The following ECE1 variants were observed in gnomAD, a reference collection of about 807,000 sequenced individuals.
The protein encoded by ECE1 is endothelin converting enzyme 1.
ECE1 carries 35 observed loss-of-function variants against 98.6 expected under a neutral mutation model. That is an observed-to-expected ratio of 0.35 (90% CI 0.27 to 0.47). The LOEUF (loss-of-function observed/expected upper bound fraction) is 0.47, where lower values mean the gene tolerates loss of function less well. ECE1 is among the 20% of genes least tolerant of loss of function. ECE1 has a pLI of 1.00. For synonymous variants in ECE1, 394 were observed against 407.1 expected (o/e 0.97, Z 0.39); for missense variants, 814 against 1,025.3 (o/e 0.79, Z 2.81).
chr1:21,262,466 A>ATC (rs1292285159), intron 4 of ECE1, among the ~76,000 whole-genome samples: 3 of 152,154 alleles, frequency 2.0e-5, no homozygotes. Context: ...AAGCAGGAGA[A>ATC]TCGTCATTGC....
intron 1 of ECE1, among the ~76,000 whole-genome samples, chr1:21,318,311 G>A (rs983009564): frequency 6.6e-6 from 1 of 152,146 alleles, no homozygotes; most frequent in Non-Finnish European, 1.5e-5. Flanking sequence ...GACATTTCCA[G>A]GGCACAGCTT....
chr1:21,241,896 G>A (rs150059434), intron 10 of ECE1, among the ~76,000 whole-genome samples: 1 of 152,286 alleles, frequency 6.6e-6, no homozygotes, highest in Non-Finnish European at 1.5e-5. Context: ...CATCTTGCAG[G>A]AGATCTATGA....
chr1:21,316,400 C>G (rs1408276954), intron 1 of ECE1, among the ~76,000 whole-genome samples: 1 of 152,174 alleles, frequency 6.6e-6, no homozygotes, highest in Non-Finnish European at 1.5e-5. Flanking sequence ...TCCTGAGTAG[C>G]TGGGGTTACA....
At chr1:21,292,613 G>T (rs183897295), upstream of ECE1, among the ~76,000 whole-genome samples, 40 of 152,154 alleles carry the variant, frequency 2.6e-4, no homozygotes, top group Non-Finnish European at 4.6e-4. Context: ...CTTTACTGGG[G>T]CTGGGACCTT....
intron 17 of ECE1, among the ~76,000 whole-genome samples, chr1:21,224,350 T>C (rs1388634401): frequency 1.3e-5 from 2 of 152,228 alleles, no homozygotes; most frequent in Non-Finnish European, 2.9e-5. Context: ...TTTGCCTTTC[T>C]TCCCCTTCCA....
intron 1 of ECE1, among the ~76,000 whole-genome samples, chr1:21,330,325 T>A (rs1009944470): frequency 1.0e-4 from 14 of 136,674 alleles, no homozygotes; most frequent in African/African-American, 3.6e-4. Flanking sequence ...AACCTCTGCC[T>A]CCCGGGTTCA....
chr1:21,229,399 A>G (rs2098178946), intron 14 of ECE1, among the ~76,000 whole-genome samples: 1 of 151,798 alleles, frequency 6.6e-6, no homozygotes, highest in Admixed American at 6.6e-5. Context: ...AAATCCACAT[A>G]TAAAGCATTC....
In ECE1 at chr1:21,225,863, G is replaced by GT. The variant is rs372759084; in HGVS notation, c.1850-424dup. On this transcript the variant is annotated intron_variant, in intron 16 of 18. Transcript: ENST00000374893. The surrounding 1 kb of genome is among the most constrained non-coding windows in gnomAD (Gnocchi z 5.3). The stretch of plus-strand genomic sequence containing the variant: ...ATGCCGCCATGCCTAGCTGATTTCT[G>GT]TTTTTTTTTTTAGTAGAGATGGGGT... Among the ~76,000 whole-genome samples the GT allele has an allele frequency of 0.017, 2,499 of 145,154 alleles. 54 individuals are homozygous for GT. The highest frequency in any genetic ancestry group is 0.047 in the African/African-American group (1,896 of 39,940).
At chr1:21,262,343 G>A (rs980077717) in intron 4 of ECE1, among the ~76,000 whole-genome samples, 7 of 152,202 alleles carry the variant, frequency 4.6e-5, no homozygotes, top group South Asian at 2.1e-4. Context: ...AGGGGAGGGC[G>A]GAAATGGGGA....
chr1:21,330,743 CCT>C (rs1055562722), intron 1 of ECE1, among the ~76,000 whole-genome samples: 13 of 152,290 alleles, frequency 8.5e-5, no homozygotes, highest in African/African-American at 2.9e-4. Flanking sequence ...TCTTCCTCCC[CCT>C]GACTCAGGTC....
chr1:21,235,935 G>T lies in ECE1; in HGVS notation c.1489-8C>A. The stretch of plus-strand genomic sequence containing the variant: ...GTTGTAGATGGCATCGGCCTGGACA[G>T]GACAGACAGAGGAAGTGAGTGCCCG... On this transcript the variant is annotated splice_region_variant and splice_polypyrimidine_tract_variant and intron_variant, in intron 12 of 18. Coordinates refer to ENST00000374893, the MANE Select transcript of ECE1 (RefSeq NM_001397.3). This position sits in a 1 kb window ranked among gnomAD's most constrained non-coding sequence, Gnocchi z 4.2. The T allele has an allele frequency of 1.9e-6, 3 of 1,613,992 alleles. No homozygotes were observed. Among genetic ancestry groups the T allele is most frequent in the Non-Finnish European group, 2.5e-6 (3 of 1,179,828 alleles).
chr1:21,253,749 C>T (rs1452218048), intron 8 of ECE1, among the ~76,000 whole-genome samples: 3 of 133,330 alleles, frequency 2.3e-5, no homozygotes, highest in South Asian at 4.7e-4. Context: ...GGCGAGAGCG[C>T]GAGACTCTGT....
Position 21,334,309 on chromosome 1 carries a change from A to G in ECE1, c.3+11067T>C, listed in dbSNP as rs553584164. ...TCATGCCCTCCTCTCTCTGGCTCCC[A>G]GCCACCACACCGGAAGCCCAACAGG... is the stretch of plus-strand genomic sequence containing the variant. On this transcript the variant is annotated intron_variant, in intron 1 of 18. Transcript: ENST00000415912. 2.0e-5 allele frequency among the ~76,000 whole-genome samples: 3 copies of G among 152,280 alleles called. No homozygotes were observed. In the East Asian group the frequency reaches 5.8e-4, roughly 29 times the overall value.
intron 2 of ECE1, chr1:21,280,010 A>G (rs1053601564): frequency 2.6e-5 from 4 of 152,696 alleles, no homozygotes; most frequent in African/African-American, 9.7e-5. Flanking sequence ...AAGGAGAAAT[A>G]GCTCCATTCA....
chr1:21,305,087 C>T (rs1276756350), intron 1 of ECE1, among the ~76,000 whole-genome samples: 1 of 152,196 alleles, frequency 6.6e-6, no homozygotes, highest in Non-Finnish European at 1.5e-5. Context: ...GTGGCTATTT[C>T]AATCAAATTA....
At chr1:21,309,730 G>A (rs1231457326) in intron 1 of ECE1, among the ~76,000 whole-genome samples, 1 of 151,858 alleles carries the variant, frequency 6.6e-6, no homozygotes, top group Non-Finnish European at 1.5e-5. Flanking sequence ...AGGACCCTCA[G>A]GGCTGTTAAT....
At chr1:21,297,841 TG>T (rs1022687732) in intron 1 of ECE1, among the ~76,000 whole-genome samples, 6 of 149,424 alleles carry the variant, frequency 4.0e-5, no homozygotes, top group African/African-American at 1.2e-4. Flanking sequence ...TTGTTGTTGT[TG>T]TTTTTTTTTT....
chr1:21,257,517 A>G lies in ECE1; in HGVS notation c.828+8T>C, dbSNP rs28367984. On this transcript the variant is annotated splice_region_variant and intron_variant, in intron 7 of 18. Transcript: ENST00000374893. Reference sequence around the variant, plus strand: ...GGAGGCAGGCTGGGAGGGGAGAGGCACGCTTACCTTCTCGTTTTCAGTTTT... The same window carrying G: ...GGAGGCAGGCTGGGAGGGGAGAGGCGCGCTTACCTTCTCGTTTTCAGTTTT... 2.4e-3 allele frequency: 3,882 copies of G among 1,614,170 alleles called. 86 individuals are homozygous for G. The African/African-American group carries it at 0.044, about 18-fold the overall frequency.
upstream of ECE1, among the ~76,000 whole-genome samples, chr1:21,294,624 G>A (rs1638302411): frequency 6.6e-6 from 1 of 152,228 alleles, no homozygotes; most frequent in Non-Finnish European, 1.5e-5. This position sits in a 1 kb window ranked among gnomAD's most constrained non-coding sequence, Gnocchi z 4.2. Context: ...GAGCAGAAAC[G>A]AGAAATATAA....
Sources: allele counts gnomAD v4.1 joint callset (sites outside exome capture counted in the v4.1 genomes callset), GRCh38; gene constraint gnomAD v4.1.1; non-coding constraint Gnocchi (gnomAD v3.1); transcripts MANE v1.5; gene names NCBI Gene and HGNC (gene_info 2026-07-23, HGNC 2026-07-21).